NUP214: variants seen among roughly 807,000 people sequenced by gnomAD.
NUP214 encodes nuclear pore complex protein Nup214.
A neutral mutation model predicts 196.2 loss-of-function variants in NUP214; 79 were observed. That is an observed-to-expected ratio of 0.40 (90% CI 0.34 to 0.49). NUP214 has a LOEUF of 0.49. Ranked by LOEUF, NUP214 falls within the 20% of genes least tolerant of loss-of-function variation. The pLI is 0.58. For synonymous variants in NUP214, 1,020 were observed against 990.5 expected (o/e 1.03, Z -0.56); for missense variants, 2,468 against 2,539.0 (o/e 0.97, Z 0.60).
intron 5 of NUP214, among the ~76,000 whole-genome samples, chr9:131,131,431 C>T (rs868537193): frequency 1.3e-5 from 2 of 152,302 alleles, no homozygotes; most frequent in African/African-American, 2.4e-5. Flanking sequence ...AGCCTGGACA[C>T]GAAGGAGGGA....
In NUP214 at chr9:131,140,645, T is replaced by C; in HGVS notation, c.1229T>C (p.Val410Ala). The change falls in exon 11 of 36, where the codon GTT (valine) becomes GCT (alanine). Residue 410 changes from valine (V) to alanine (A), a missense_variant. By Grantham distance (64) the Val-to-Ala change is moderately conservative. This residue lies in a region of NUP214 where 1,801 missense variants were observed against 1,779.4 expected (regional missense o/e 1.01). Transcript: ENST00000359428. Reference sequence around the variant, plus strand: ...TATATGATTAATCAAAATCCTGGGGTTAAGTCTCTCATCAAAACACCAGAG... The same window carrying C: ...TATATGATTAATCAAAATCCTGGGGCTAAGTCTCTCATCAAAACACCAGAG... The part of the protein sequence containing the change: ...PFYMINQNPG[V>A]KSLIKTPERL... 6.2e-7 allele frequency: 1 copy of C among 1,614,110 alleles called. No individual in the cohort carries two copies. Among genetic ancestry groups the C allele is most frequent in the East Asian group, 2.2e-5 (1 of 44,878 alleles).
Position 131,233,908 on chromosome 9 carries a change from G to T in NUP214, c.*421G>T. On this transcript the variant is annotated 3_prime_UTR_variant, in exon 36 of 36. Coordinates refer to ENST00000359428, the MANE Select transcript of NUP214 (RefSeq NM_005085.4). Reference sequence around the variant, plus strand: ...GCGCCCTCCACATAGGGAAGAGGTTGAATGCTGGTGGGTCATCTTTTTGAG... The same window carrying T: ...GCGCCCTCCACATAGGGAAGAGGTTTAATGCTGGTGGGTCATCTTTTTGAG... 1 of 282,838 alleles carries T rather than the reference G, an allele frequency of 3.5e-6. No homozygotes were observed. Among genetic ancestry groups the T allele is most frequent in the East Asian group, 5.6e-5 (1 of 17,940 alleles). 17.5% of individuals were successfully genotyped at this position (282,838 alleles called of 1,614,324 possible).
At chr9:131,130,183 G>A (rs1420904624) in intron 4 of NUP214, among the ~76,000 whole-genome samples, 6 of 105,314 alleles carry the variant, frequency 5.7e-5, no homozygotes, top group East Asian at 3.3e-4. Flanking sequence ...TTGCTCTGTC[G>A]CCCAGGCTGG....
intron 18 of NUP214, among the ~76,000 whole-genome samples, chr9:131,160,922 C>T (rs1409861024): frequency 1.3e-5 from 2 of 152,164 alleles, no homozygotes; most frequent in Admixed American, 1.3e-4. Flanking sequence ...AGAGAACTAG[C>T]TCACACACCT....
chr9:131,155,374 T>C (rs1309797131), intron 17 of NUP214, among the ~76,000 whole-genome samples: 3 of 152,216 alleles, frequency 2.0e-5, no homozygotes, highest in African/African-American at 7.2e-5. Context: ...GAGTTCCTTA[T>C]AGATTCTGGA....
Position 131,234,254 on chromosome 9 carries a change from C to T in NUP214, c.*767C>T. On this transcript the variant is annotated 3_prime_UTR_variant, in exon 36 of 36. Transcript: ENST00000359428. ...TATGTGGCAGTGACATTGGTAGCCACACCTACCCAGTGTCTACTAACCACA... is the reference window on the plus strand; with the variant it reads ...TATGTGGCAGTGACATTGGTAGCCATACCTACCCAGTGTCTACTAACCACA... 4.3e-6 allele frequency: 1 copy of T among 232,830 alleles called. No individual in the cohort carries two copies. Among genetic ancestry groups the T allele is most frequent in the Non-Finnish European group, 8.5e-6 (1 of 117,800 alleles). The allele number at this position is 232,830 out of a possible 1,614,324, so 14.4% of individuals were successfully genotyped here. A position where few individuals can be genotyped will look rare whatever the true frequency, so the allele number is the denominator to read the frequency against.
intron 17 of NUP214, among the ~76,000 whole-genome samples, chr9:131,158,813 AC>A (rs1167097800): frequency 2.0e-5 from 3 of 151,972 alleles, no homozygotes; most frequent in Admixed American, 6.6e-5. Context: ...TTTTCATTGT[AC>A]CACCTCTCTG....
intron 28 of NUP214, 114 bp downstream of exon 28, chr9:131,195,408 G>T (rs755900678): frequency 1.1e-5 from 9 of 817,214 alleles, no homozygotes; most frequent in East Asian, 2.5e-5. Flanking sequence ...TACAGTATCT[G>T]CAATAAGCTC....
At chr9:131,157,459 GT>G (rs146677149) in intron 17 of NUP214, among the ~76,000 whole-genome samples, 2,663 of 74,614 alleles carry the variant, frequency 0.036, 18 homozygotes, top group African/African-American at 0.074. Context: ...TGTGTCTGGC[GT>G]TTTTTTTTTT....
intron 27 of NUP214, 189 bp downstream of exon 27, chr9:131,192,481 CAA>C (rs1410943094): frequency 7.1e-6 from 3 of 424,816 alleles, no homozygotes; most frequent in Non-Finnish European, 1.2e-5. Context: ...CTTTGCAATT[CAA>C]GTTAATACTT....
chr9:131,202,442 G>A (rs1403055439), intron 30 of NUP214, among the ~76,000 whole-genome samples: 1 of 151,858 alleles, frequency 6.6e-6, no homozygotes, highest in East Asian at 1.9e-4. Context: ...TTTGTTTTTG[G>A]AGGCAGAGTC....
At chr9:131,208,038 CT>C (rs1236982621) in intron 30 of NUP214, among the ~76,000 whole-genome samples, 1 of 152,008 alleles carries the variant, frequency 6.6e-6, no homozygotes, top group African/African-American at 2.4e-5. Flanking sequence ...TTCACACCCC[CT>C]AGGATGGCTA....
chr9:131,205,787 T>C (rs1310914307), intron 30 of NUP214, among the ~76,000 whole-genome samples: 1 of 152,068 alleles, frequency 6.6e-6, no homozygotes, highest in Non-Finnish European at 1.5e-5. Context: ...CTCTGCCTGC[T>C]GGATTCAACC....
chr9:131,150,185 C>T (rs1832214586), intron 14 of NUP214, 139 bp from the exon 15 acceptor site: 4 of 705,362 alleles, frequency 5.7e-6, no homozygotes, highest in Non-Finnish European at 9.6e-6. Flanking sequence ...AAGTAGAGAC[C>T]CTATAAATAA....
At chr9:131,175,826 AT>A in intron 23 of NUP214, 1 of 665,152 alleles carries the variant, frequency 1.5e-6, no homozygotes, top group Non-Finnish European at 2.2e-6. Context: ...AAGGGGAGGG[AT>A]TAGAACTGCC....
chr9:131,211,076 G>T (rs1356419825), intron 30 of NUP214, among the ~76,000 whole-genome samples: 1 of 152,182 alleles, frequency 6.6e-6, no homozygotes, highest in Non-Finnish European at 1.5e-5. Flanking sequence ...ACCAAGGTCT[G>T]TTCAAATTAA....
rs1333784313 is a variant in NUP214, at chr9:131,223,732, T to A, written c.5902+802T>A. Among the ~76,000 whole-genome samples, 20 of 30,080 alleles carry A rather than the reference T, an allele frequency of 6.6e-4. No individual in the cohort carries two copies. The South Asian group carries it at 0.02, about 30-fold the overall frequency. The allele number at this position is 30,080 out of a possible 152,430, so 19.7% of individuals were successfully genotyped here. ...TTATTTTTATTTATTTATTTATTTT[T>A]TTTTTTTTTTTTTTTTTTTTGAGAC... On this transcript the variant is annotated intron_variant, in intron 32 of 35. Coordinates refer to ENST00000359428, the MANE Select transcript of NUP214 (RefSeq NM_005085.4).
At chr9:131,147,085 C>T (rs1236028893) in intron 13 of NUP214, among the ~76,000 whole-genome samples, 1 of 152,122 alleles carries the variant, frequency 6.6e-6, no homozygotes, top group African/African-American at 2.4e-5. Context: ...CTCCTGGGCT[C>T]AAGCGATCTT....
chr9:131,207,082 A>C (rs1213382409), intron 30 of NUP214, among the ~76,000 whole-genome samples: 1 of 152,226 alleles, frequency 6.6e-6, no homozygotes, highest in Non-Finnish European at 1.5e-5. Context: ...AACTCTAAAG[A>C]TGCTAGGCAG....
Sources: allele counts gnomAD v4.1 joint callset (sites outside exome capture counted in the v4.1 genomes callset), GRCh38; gene constraint gnomAD v4.1.1; regional missense constraint gnomAD v4.1.1; transcripts MANE v1.5; gene names NCBI Gene and HGNC (gene_info 2026-07-23, HGNC 2026-07-21).